Variants in EXOC2 observed in about 807,000 individuals in gnomAD.
The protein encoded by EXOC2 is SEC5-like 1.
In EXOC2, 70 loss-of-function variants were observed where a neutral mutation model predicts 131.8. That is an observed-to-expected ratio of 0.53 (90% confidence interval 0.44 to 0.65). EXOC2 has a LOEUF of 0.65. Ranked by LOEUF, EXOC2 falls within the 30% of genes least tolerant of loss-of-function variation. EXOC2 has a pLI of 0.00. For synonymous variants in EXOC2, 411 were observed against 398.4 expected, an observed-to-expected ratio of 1.03 and a Z score of -0.38; for missense variants, 923 against 1,108.6, an observed-to-expected ratio of 0.83 and a Z score of 2.38.
intron 1 of EXOC2, among the ~76,000 whole-genome samples, chr6:654,205 C>G (rs1425816775): frequency 1.3e-5 from 2 of 152,128 alleles, no homozygotes; most frequent in African/African-American, 4.8e-5. Flanking sequence ...GTTCATGGAT[C>G]AAGGAGTAAT....
At chr6:617,401 G>A (rs765246415) in intron 6 of EXOC2, among the ~76,000 whole-genome samples, 1 of 152,240 alleles carries the variant, frequency 6.6e-6, no homozygotes, top group African/African-American at 2.4e-5. Context: ...AGTCACATAT[G>A]TAAGATATTG....
At chr6:670,440 C>T (rs1050897545) in intron 1 of EXOC2, 2 of 151,862 alleles carry the variant, frequency 1.3e-5, no homozygotes, top group Non-Finnish European at 2.9e-5. Context: ...TGAGGATAAT[C>T]CACTGTGGTT....
At chr6:487,145 G>A (rs2127461340) in intron 27 of EXOC2, among the ~76,000 whole-genome samples, 1 of 152,320 alleles carries the variant, frequency 6.6e-6, no homozygotes, top group South Asian at 2.1e-4. Flanking sequence ...ATACCGGAGT[G>A]TAACAGGCTA....
At chr6:678,500 G>C (rs1764255762) in intron 1 of EXOC2, among the ~76,000 whole-genome samples, 2 of 152,254 alleles carry the variant, frequency 1.3e-5, no homozygotes. Flanking sequence ...TGACACGCCA[G>C]AGACTGGGTG....
rs1403302026 is a variant in EXOC2 at position 563,873 on chromosome 6, G to GA, written c.1789+159dup. Among the ~76,000 whole-genome samples, 5 of 151,966 alleles carry GA rather than the reference G, an allele frequency of 3.3e-5. No homozygotes were observed. In the South Asian group the frequency reaches 8.3e-4, roughly 25 times the overall value. Reference sequence around the variant, plus strand: ...AATTCTCAACAATACATCACAAAAAGAAAAAACACTTATTGAGCAGCTAGA... The same window carrying GA: ...AATTCTCAACAATACATCACAAAAAGAAAAAAACACTTATTGAGCAGCTAGA... On this transcript the variant is annotated intron_variant, in intron 16 of 27. Transcript: ENST00000230449.
intron 23 of EXOC2, among the ~76,000 whole-genome samples, chr6:504,846 C>G (rs1221354909): frequency 2.0e-5 from 3 of 152,100 alleles, no homozygotes; most frequent in Non-Finnish European, 4.4e-5. Flanking sequence ...CAGACAGGAC[C>G]CCCCACCCTA....
At chr6:562,436 C>T (rs531610203) in intron 17 of EXOC2, among the ~76,000 whole-genome samples, 198 of 152,278 alleles carry the variant, frequency 1.3e-3, no homozygotes, top group African/African-American at 4.6e-3. Context: ...TTTGTTTTGG[C>T]TTTGGAGCCA....
intron 1 of EXOC2, among the ~76,000 whole-genome samples, chr6:661,712 T>C (rs1300276771): frequency 6.6e-6 from 1 of 151,694 alleles, no homozygotes; most frequent in Non-Finnish European, 1.5e-5. Flanking sequence ...ACAGGACCTA[T>C]AACAAAAATA....
Position 497,337 on chromosome 6 carries a change from G to A in EXOC2, c.2559+30C>T, listed in dbSNP as rs746374315. 1.9e-6 allele frequency: 3 copies of A among 1,596,854 alleles called. No homozygotes were observed. In the East Asian group the frequency reaches 6.7e-5, roughly 36 times the overall value. ...TTATATGCTTTAAATAACAACAGAA[G>A]TTCAATATGAAATTGAATGATTTTG... On this transcript the variant is annotated intron_variant, in intron 25 of 27. Transcript: ENST00000230449.
intron 23 of EXOC2, among the ~76,000 whole-genome samples, chr6:515,929 C>T (rs1306603554): frequency 6.6e-6 from 1 of 152,162 alleles, no homozygotes; most frequent in African/African-American, 2.4e-5. Context: ...ATTCTGTTCA[C>T]CAGCGACTAA....
intron 4 of EXOC2, among the ~76,000 whole-genome samples, chr6:629,455 A>G (rs1191577604): frequency 6.6e-6 from 1 of 152,228 alleles, no homozygotes; most frequent in Non-Finnish European, 1.5e-5. Flanking sequence ...TAAAGACCAG[A>G]TTAGACCTGG....
chr6:540,515 A>G (rs963222250), intron 22 of EXOC2, among the ~76,000 whole-genome samples: 1 of 152,254 alleles, frequency 6.6e-6, no homozygotes, highest in African/African-American at 2.4e-5. Flanking sequence ...AAGAAACACA[A>G]CTGAAATAAC....
At chr6:597,389 C>G (rs1690053534) in intron 10 of EXOC2, among the ~76,000 whole-genome samples, 1 of 152,064 alleles carries the variant, frequency 6.6e-6, no homozygotes. Flanking sequence ...ATTGGTCAGG[C>G]TGGTCTCAAA....
At chr6:654,453 A>C (rs1762966169) in intron 1 of EXOC2, among the ~76,000 whole-genome samples, 1 of 152,182 alleles carries the variant, frequency 6.6e-6, no homozygotes, top group Non-Finnish European at 1.5e-5. Flanking sequence ...GGAGTTCAAG[A>C]CTTTGGTGGA....
chr6:570,778 C>T (rs1178946296), intron 13 of EXOC2, among the ~76,000 whole-genome samples: 1 of 152,210 alleles, frequency 6.6e-6, no homozygotes, highest in Non-Finnish European at 1.5e-5. Context: ...TTCTATTATG[C>T]TCCTAGTGTT....
chr6:607,132 G>A (rs141379559), intron 7 of EXOC2, among the ~76,000 whole-genome samples: 1 of 152,190 alleles, frequency 6.6e-6, no homozygotes, highest in Non-Finnish European at 1.5e-5. Flanking sequence ...TGCAGCTATG[G>A]TGACTGCCCT....
intron 1 of EXOC2, among the ~76,000 whole-genome samples, chr6:678,464 T>G (rs997739429): frequency 5.3e-5 from 8 of 152,196 alleles, no homozygotes; most frequent in African/African-American, 1.9e-4. Context: ...AGTGAATTCG[T>G]GGGCCAGGTG....
chr6:598,621 T>C (rs78109342), intron 9 of EXOC2, among the ~76,000 whole-genome samples: 14,398 of 152,214 alleles, frequency 0.095, 1,194 homozygotes, highest in African/African-American at 0.23. Flanking sequence ...AACAGCGTGA[T>C]GGTTAACAAA....
intron 23 of EXOC2, among the ~76,000 whole-genome samples, chr6:503,562 T>C (rs567075989): frequency 3.3e-5 from 5 of 152,360 alleles, no homozygotes; most frequent in Admixed American, 1.3e-4. Flanking sequence ...GCTAAGTGTA[T>C]ACACCTACTA....
Sources: gnomAD v4.1 joint callset for allele counts (sites outside exome capture counted in the v4.1 genomes callset) on GRCh38, gnomAD v4.1.1 for gene constraint, MANE v1.5 for transcripts, NCBI Gene and HGNC (gene_info 2026-07-23, HGNC 2026-07-21) for gene names.